The following CNOT6L variants were observed in gnomAD, a reference collection of about 807,000 sequenced individuals.
CNOT6L encodes CCR4-NOT transcription complex subunit 6-like.
A neutral mutation model predicts 64.0 loss-of-function variants in CNOT6L; 7 were observed. The observed-to-expected ratio is 0.11, with a 90% CI of 0.06 to 0.21. The LOEUF (loss-of-function observed/expected upper bound fraction) is 0.21. Among genes scored for constraint, CNOT6L ranks in the 10% least tolerant of loss-of-function variants. The pLI is 1.00. For synonymous variants in CNOT6L, 193 were observed against 243.4 expected, an observed-to-expected ratio of 0.79 and a Z score of 1.93; for missense variants, 245 against 669.0, an observed-to-expected ratio of 0.37 and a Z score of 6.99.
At chr4:77,779,347 T>C (rs1378713289) in intron 1 of CNOT6L, among the ~76,000 whole-genome samples, 2 of 152,162 alleles carry the variant, frequency 1.3e-5, no homozygotes, top group Non-Finnish European at 2.9e-5. Context: ...TAAAAATTGA[T>C]ACAAAGAAAT....
intron 1 of CNOT6L, among the ~76,000 whole-genome samples, chr4:77,797,760 T>G (rs1731035013): frequency 6.6e-6 from 1 of 152,098 alleles, no homozygotes; most frequent in Non-Finnish European, 1.5e-5. Flanking sequence ...GAAACAGAAA[T>G]TCATGTGGTA....
chr4:77,796,468 C>T (rs966031377), intron 1 of CNOT6L, among the ~76,000 whole-genome samples: 10 of 152,070 alleles, frequency 6.6e-5, no homozygotes. Context: ...CTTCCCCCTA[C>T]ACTCTCTCTC....
At chr4:77,754,098 T>C (rs903246875) in intron 5 of CNOT6L, among the ~76,000 whole-genome samples, 2 of 152,162 alleles carry the variant, frequency 1.3e-5, no homozygotes, top group African/African-American at 4.8e-5. Flanking sequence ...ATTAAAAGGA[T>C]TAGAAATGGA....
intron 8 of CNOT6L, among the ~76,000 whole-genome samples, chr4:77,734,333 C>T (rs1722733805): frequency 6.6e-6 from 1 of 152,012 alleles, no homozygotes; most frequent in Non-Finnish European, 1.5e-5. Context: ...ATATATTTCC[C>T]CAGACTTTTC....
At chr4:77,805,175 T>C (rs1732077538) in intron 1 of CNOT6L, among the ~76,000 whole-genome samples, 1 of 152,212 alleles carries the variant, frequency 6.6e-6, no homozygotes. Context: ...TATATTATAC[T>C]GCTAACAAGC....
At chr4:77,804,408 G>A (rs1382814494) in intron 1 of CNOT6L, among the ~76,000 whole-genome samples, 1 of 148,216 alleles carries the variant, frequency 6.7e-6, no homozygotes, top group Admixed American at 6.8e-5. Context: ...CAGCCTGGGT[G>A]ATGCAGCAAG....
chr4:77,769,997 CT>C lies in CNOT6L; in HGVS notation c.400+3083del, dbSNP rs573760502. Among the ~76,000 whole-genome samples, 73 of 152,180 alleles carry C rather than the reference CT, an allele frequency of 4.8e-4. 1 individual carries two copies. Among genetic ancestry groups the C allele is most frequent in the African/African-American group, 1.7e-3 (71 of 41,540 alleles). On this transcript the variant is annotated intron_variant, in intron 4 of 11. Transcript: ENST00000504123. ...GTATGAGAATTGCTTCTACTTATGC[CT>C]TTTCTTCATAAAATTAATACATTTT...
intron 8 of CNOT6L, among the ~76,000 whole-genome samples, chr4:77,738,753 CAAAAAAAA>C (rs33932934): frequency 1.8e-5 from 2 of 114,212 alleles, no homozygotes; most frequent in East Asian, 2.5e-4. Flanking sequence ...AACTCCGTCT[CAAAAAAAA>C]AAAAAAAAAA....
intron 8 of CNOT6L, among the ~76,000 whole-genome samples, chr4:77,737,038 G>A (rs997016895): frequency 1.3e-4 from 20 of 152,306 alleles, no homozygotes; most frequent in Admixed American, 1.1e-3. Flanking sequence ...GGGCTCTGAT[G>A]TAATTAATTA....
At chr4:77,785,551 T>C (rs1323757133) in intron 1 of CNOT6L, among the ~76,000 whole-genome samples, 1 of 151,698 alleles carries the variant, frequency 6.6e-6, no homozygotes, top group African/African-American at 2.4e-5. Context: ...TATAAAGAAC[T>C]CTCAAAACAA....
intron 4 of CNOT6L, among the ~76,000 whole-genome samples, chr4:77,769,082 C>A (rs1431399478): frequency 3.9e-5 from 6 of 152,054 alleles, no homozygotes; most frequent in Non-Finnish European, 7.4e-5. Context: ...TACAATACAG[C>A]AGTAAAACAA....
At chr4:77,817,593 C>T (rs188956812) in intron 1 of CNOT6L, among the ~76,000 whole-genome samples, 2 of 152,294 alleles carry the variant, frequency 1.3e-5, no homozygotes, top group African/African-American at 4.8e-5. Flanking sequence ...AGATATGTTA[C>T]CTAAGGTCAA....
chr4:77,766,914 T>C (rs1481795394), intron 4 of CNOT6L, among the ~76,000 whole-genome samples: 1 of 151,158 alleles, frequency 6.6e-6, no homozygotes, highest in African/African-American at 2.4e-5. Context: ...AACACAAAAA[T>C]TACCTAGGTG....
chr4:77,725,130 T>A (rs1721692855), intron 11 of CNOT6L, among the ~76,000 whole-genome samples: 1 of 152,224 alleles, frequency 6.6e-6, no homozygotes, highest in Non-Finnish European at 1.5e-5. Flanking sequence ...GCAAAAATAC[T>A]AAATTAGATT....
At position 77,761,200 on chromosome 4, in the gene CNOT6L, A is replaced by G. The variant is rs138502112; in HGVS notation, c.401-4249T>C. Among the ~76,000 whole-genome samples the G allele has an allele frequency of 5.3e-3, 804 of 152,206 alleles. 7 individuals are homozygous for G. Among genetic ancestry groups the G allele is most frequent in the African/African-American group, 0.018 (757 of 41,530 alleles). ...CTGCTCTGTACAAGCAACGATGACCAAAAAATCCAAACAAACAAACAAAAC... is the reference window on the plus strand; with the variant it reads ...CTGCTCTGTACAAGCAACGATGACCGAAAAATCCAAACAAACAAACAAAAC... On this transcript the variant is annotated intron_variant, in intron 4 of 11. Transcript: ENST00000504123.
chr4:77,819,074 A>ACACACACACACACACACACC (rs368900394), intron 1 of CNOT6L: 23 of 720,456 alleles, frequency 3.2e-5, no homozygotes, highest in Admixed American at 1.5e-4. Context: ...ACACACACAC[A>ACACACACACACACACACACC]CCCCGGAACC....
intron 7 of CNOT6L, 38 bp downstream of exon 7, chr4:77,744,680 C>A (rs1224494290): frequency 1.9e-6 from 3 of 1,543,438 alleles, no homozygotes; most frequent in Non-Finnish European, 2.6e-6. Context: ...TTAAGTTCAC[C>A]TTTTAAGTTA....
At chr4:77,722,977 C>T (rs1366879452) in intron 11 of CNOT6L, among the ~76,000 whole-genome samples, 2 of 56,882 alleles carry the variant, frequency 3.5e-5, no homozygotes, top group Admixed American at 2.3e-4. Context: ...CAAAACACAA[C>T]GAAAATATTA....
chr4:77,720,028 A>G lies in CNOT6L; in HGVS notation c.*403T>C, dbSNP rs541891928. On this transcript the variant is annotated 3_prime_UTR_variant, in exon 12 of 12. Coordinates refer to ENST00000504123, the MANE Select transcript of CNOT6L (RefSeq NM_144571.3). ...AAGGCATATCATCATTCAGTTTAAA[A>G]TACTGTATTTATAGTTTTTAAAAAT... is the stretch of plus-strand genomic sequence containing the variant. 4.3e-5 allele frequency: 7 copies of G among 162,548 alleles called. No homozygotes were observed. In the South Asian group the frequency reaches 1.0e-3, roughly 24 times the overall value. The allele number at this position is 162,548 out of a possible 1,614,324, so 10.1% of individuals were successfully genotyped here.
Sources: gnomAD v4.1 joint callset for allele counts (sites outside exome capture counted in the v4.1 genomes callset) on GRCh38, gnomAD v4.1.1 for gene constraint, MANE v1.5 for transcripts, NCBI Gene and HGNC (gene_info 2026-07-23, HGNC 2026-07-21) for gene names.